PIGN: variants seen among roughly 807,000 people sequenced by gnomAD.
PIGN encodes the protein phosphatidylinositol glycan anchor biosynthesis class N.
A neutral mutation model predicts 125.4 loss-of-function variants in PIGN; 117 were observed. That is an observed-to-expected ratio of 0.93 (90% CI 0.80 to 1.09). PIGN has a LOEUF of 1.09. Ranked by LOEUF, PIGN falls within the 50% of genes least tolerant of loss-of-function variation. PIGN has a pLI of 0.00. For missense variants in PIGN, 1,075 were observed against 1,094.9 expected (o/e 0.98, Z 0.26); for synonymous variants, 392 against 377.8 (o/e 1.04, Z -0.44).
chr18:62,140,281 A>G, intron 12 of PIGN, 139 bp downstream of exon 12: 1 of 443,608 alleles, frequency 2.3e-6, no homozygotes, highest in South Asian at 3.3e-5. Flanking sequence ...CAGAAGTTCA[A>G]GACCAGCCTG....
chr18:62,096,479 T>A (rs967143461), intron 22 of PIGN, among the ~76,000 whole-genome samples: 3 of 148,232 alleles, frequency 2.0e-5, no homozygotes, highest in Admixed American at 1.3e-4. Context: ...TCAGCCCAGA[T>A]AACTATAATA....
At chr18:62,163,318 T>A (rs748834278) in intron 2 of PIGN, among the ~76,000 whole-genome samples, 1 of 152,182 alleles carries the variant, frequency 6.6e-6, no homozygotes, top group Non-Finnish European at 1.5e-5. Context: ...CCAGTTGTAT[T>A]TTCCTGTTGG....
At position 62,143,283 on chromosome 18, in the gene PIGN, T is replaced by A. The variant is rs368561813; in HGVS notation, c.963+23A>T. Reference sequence around the variant, plus strand: ...TATAGAAGATAAAATTAAATTTGAATGTAATAAAATCGAACTGGATACCTG... The same window carrying A: ...TATAGAAGATAAAATTAAATTTGAAAGTAATAAAATCGAACTGGATACCTG... On this transcript the variant is annotated intron_variant, in intron 11 of 30. Coordinates refer to ENST00000640252, the MANE Select transcript of PIGN (RefSeq NM_176787.5). 5.9e-5 allele frequency: 75 copies of A among 1,281,982 alleles called. No homozygotes were observed. In the African/African-American group the frequency reaches 9.9e-4, roughly 17 times the overall value. 79.4% of individuals were successfully genotyped at this position (1,281,982 alleles called of 1,614,324 possible).
chr18:62,092,146 G>C (rs564712579), intron 23 of PIGN, among the ~76,000 whole-genome samples: 65 of 151,942 alleles, frequency 4.3e-4, no homozygotes, highest in Non-Finnish European at 7.1e-4. Flanking sequence ...GAAGGCCCAG[G>C]GATATGAACA....
rs975813526 is a variant in PIGN at position 62,166,681 on chromosome 18, A to G, written c.-235-3025T>C. ...ATGCCCATTAATGATAGACTGGATA[A>G]AGAAAATGTGGCATATATACACCAT... On this transcript the variant is annotated intron_variant, in intron 1 of 30. Coordinates refer to ENST00000640252, the MANE Select transcript of PIGN (RefSeq NM_176787.5). 2.6e-5 allele frequency among the ~76,000 whole-genome samples: 4 copies of G among 152,356 alleles called. No individual in the cohort carries two copies. The South Asian group carries it at 6.2e-4, about 24-fold the overall frequency.
chr18:62,160,550 CTT>C (rs1291327047), intron 4 of PIGN, among the ~76,000 whole-genome samples: 1 of 148,802 alleles, frequency 6.7e-6, no homozygotes, highest in Non-Finnish European at 1.5e-5. Context: ...GAGTTTTGCT[CTT>C]GTTGCCCAAG....
intron 1 of PIGN, among the ~76,000 whole-genome samples, chr18:62,167,802 G>A (rs1012355248): frequency 7.9e-5 from 12 of 151,886 alleles, no homozygotes; most frequent in African/African-American, 2.4e-4. Context: ...ATGATCATGA[G>A]CAACTTTTCA....
intron 30 of PIGN, chr18:62,070,198 CA>C: frequency 2.6e-6 from 1 of 388,368 alleles, no homozygotes. Context: ...TTTCACAGCT[CA>C]AAAGTGGCAG....
chr18:62,098,138 C>T lies in PIGN; in HGVS notation c.2078-2188G>A, dbSNP rs142353376. Among the ~76,000 whole-genome samples, 239 of 152,318 alleles carry T rather than the reference C, an allele frequency of 1.6e-3. 1 individual carries two copies. The highest frequency in any genetic ancestry group is 5.4e-3 in the African/African-American group (223 of 41,582). On this transcript the variant is annotated intron_variant, in intron 22 of 30. Coordinates refer to ENST00000640252, the MANE Select transcript of PIGN (RefSeq NM_176787.5). ...TATACAATGTTCCCTGAGCATAGTG[C>T]CTAGCACATAGTGCTTAGTAACTGT...
intron 8 of PIGN, among the ~76,000 whole-genome samples, chr18:62,147,752 TCA>T (rs1281423844): frequency 4.6e-5 from 7 of 152,240 alleles, no homozygotes; most frequent in Middle Eastern, 3.4e-3. Flanking sequence ...ATACTTGCTG[TCA>T]TATATAAGGA....
chr18:62,071,863 C>CATATATATATATATGGAAA (rs2032871652), intron 30 of PIGN, among the ~76,000 whole-genome samples: 1 of 77,618 alleles, frequency 1.3e-5, no homozygotes, highest in Non-Finnish European at 2.6e-5. Flanking sequence ...ACTCCTTTTC[C>CATATATATATATATGGAAA]ATATATATAT....
chr18:62,180,306 T>C (rs2037670921), intron 1 of PIGN, among the ~76,000 whole-genome samples: 1 of 152,208 alleles, frequency 6.6e-6, no homozygotes, highest in Non-Finnish European at 1.5e-5. Context: ...ATCAATATTC[T>C]TGCATGTACA....
At chr18:62,174,615 A>C (rs1186338163) in intron 1 of PIGN, among the ~76,000 whole-genome samples, 1 of 152,188 alleles carries the variant, frequency 6.6e-6, no homozygotes, top group Non-Finnish European at 1.5e-5. Flanking sequence ...CTTAACTACC[A>C]TCATAGACAC....
intron 30 of PIGN, among the ~76,000 whole-genome samples, chr18:62,063,692 C>T (rs2032333522): frequency 6.7e-6 from 1 of 149,312 alleles, no homozygotes; most frequent in South Asian, 2.2e-4. Flanking sequence ...GGGAAGACTA[C>T]TTTAGACAGA....
chr18:62,172,595 ATGTATATT>A (rs2037379360), intron 1 of PIGN, among the ~76,000 whole-genome samples: 1 of 152,140 alleles, frequency 6.6e-6, no homozygotes, highest in Non-Finnish European at 1.5e-5. Flanking sequence ...GTAAATGCAA[ATGTATATT>A]TGTAAATTGT....
chr18:62,138,953 T>C, intron 13 of PIGN, 30 bp downstream of exon 13: 1 of 1,183,168 alleles, frequency 8.5e-7, no homozygotes, highest in Non-Finnish European at 1.2e-6. Context: ...TGTCCATTTT[T>C]GTGCGTGCCT....
At chr18:62,096,093 G>A (rs1270961240) in intron 22 of PIGN, 143 bp from the exon 23 acceptor site, 11 of 486,620 alleles carry the variant, frequency 2.3e-5, no homozygotes, top group African/African-American at 5.9e-5. Flanking sequence ...TCAGGAGTTC[G>A]AGACCAGCCT....
intron 12 of PIGN, 56 bp downstream of exon 12, chr18:62,140,364 A>C: frequency 1.3e-6 from 1 of 761,674 alleles, no homozygotes; most frequent in Non-Finnish European, 2.2e-6. Flanking sequence ...AGTACATTTT[A>C]CTGTGCGATA....
At chr18:62,054,134 C>A (rs1156935766) in intron 30 of PIGN, among the ~76,000 whole-genome samples, 1 of 152,138 alleles carries the variant, frequency 6.6e-6, no homozygotes, top group East Asian at 1.9e-4. Context: ...CAAATCTGCA[C>A]CCCATCCCCC....
Sources: gnomAD v4.1 joint callset for allele counts (sites outside exome capture counted in the v4.1 genomes callset) on GRCh38, gnomAD v4.1.1 for gene constraint, MANE v1.5 for transcripts, NCBI Gene and HGNC (gene_info 2026-07-23, HGNC 2026-07-21) for gene names.